The following LAMA4 variants were observed in gnomAD, a reference collection of about 807,000 sequenced individuals.
The protein encoded by LAMA4 is laminin subunit alpha 4.
In LAMA4, 127 loss-of-function variants were observed where a neutral mutation model predicts 207.1. That is an observed-to-expected ratio of 0.61 (90% CI 0.53 to 0.71). LAMA4 has a LOEUF of 0.71. Among genes scored for constraint, LAMA4 ranks in the 30% least tolerant of loss-of-function variants. The pLI is 0.00. For synonymous variants in LAMA4, 761 were observed against 816.0 expected (o/e 0.93, Z 1.15); for missense variants, 2,093 against 2,246.5 (o/e 0.93, Z 1.38).
At chr6:112,186,382 A>G (rs1317649023) in intron 8 of LAMA4, among the ~76,000 whole-genome samples, 1 of 152,224 alleles carries the variant, frequency 6.6e-6, no homozygotes, top group Admixed American at 6.5e-5. Flanking sequence ...TAAATTGACT[A>G]ACAAAGCAAA....
intron 38 of LAMA4, among the ~76,000 whole-genome samples, chr6:112,110,697 T>G (rs587666151): frequency 9.3e-4 from 142 of 152,272 alleles, no homozygotes; most frequent in African/African-American, 3.3e-3. Flanking sequence ...TTATAAGAGG[T>G]AGAAACATCT....
At chr6:112,193,166 T>C (rs1222199313) in intron 5 of LAMA4, among the ~76,000 whole-genome samples, 1 of 152,132 alleles carries the variant, frequency 6.6e-6, no homozygotes, top group Non-Finnish European at 1.5e-5. Context: ...GTAGAGAAGT[T>C]AGTTCTGTTG....
At chr6:112,163,741 C>A (rs183168010) in intron 13 of LAMA4, among the ~76,000 whole-genome samples, 24 of 152,220 alleles carry the variant, frequency 1.6e-4, no homozygotes, top group African/African-American at 5.8e-4. Context: ...AGAGGGGATG[C>A]AAGCTTTATA....
chr6:112,155,752 G>A (rs782412343), intron 14 of LAMA4, 46 bp from the exon 15 acceptor site: 1 of 1,597,670 alleles, frequency 6.3e-7, no homozygotes, highest in South Asian at 1.1e-5. Context: ...ACCTTCTTGG[G>A]GAATGGGGCC....
intron 3 of LAMA4, among the ~76,000 whole-genome samples, chr6:112,208,725 T>C (rs782367076): frequency 1.3e-5 from 2 of 152,176 alleles, no homozygotes; most frequent in African/African-American, 2.4e-5. Context: ...AATACATTAG[T>C]CAAAGGGGAA....
intron 36 of LAMA4, 139 bp from the exon 37 acceptor site, chr6:112,114,895 G>T: frequency 1.4e-6 from 1 of 703,380 alleles, no homozygotes. Context: ...GAACACAAGG[G>T]TCTTTGGCAG....
chr6:112,134,576 T>G lies in LAMA4; in HGVS notation c.3448A>C (p.Ile1150Leu). The G allele has an allele frequency of 6.2e-7, 1 of 1,610,880 alleles. No homozygotes were observed. The highest frequency in any genetic ancestry group is 8.5e-7 in the Non-Finnish European group (1 of 1,177,626). Reference sequence around the variant, plus strand: ...ACATGCCTTCTGTCAACTACCAAGATCATTTTCTTATCATTGTGGTAAATG... The same window carrying G: ...ACATGCCTTCTGTCAACTACCAAGAGCATTTTCTTATCATTGTGGTAAATG... ...SIIYHNDKKM[I>L]LVVDRRHVKS... Residue 1150 changes from isoleucine (I) to leucine (L), a missense_variant, in exon 26 of 39, where the codon ATC (isoleucine) becomes CTC (leucine). Ile to Leu is a conservative substitution (Grantham distance 5). Around this residue, in one of 3 missense-constraint regions of LAMA4, gnomAD observed 1,704 missense variants for 1,788.4 expected, o/e 0.95. Coordinates refer to ENST00000230538, the MANE Select transcript of LAMA4 (RefSeq NM_001105206.3).
intron 32 of LAMA4, among the ~76,000 whole-genome samples, chr6:112,121,137 G>T (rs1554326058): frequency 6.6e-6 from 1 of 151,870 alleles, no homozygotes; most frequent in Admixed American, 6.6e-5. Context: ...TATCCATGTG[G>T]ACAAAATACT....
Position 112,209,481 on chromosome 6 carries a change from C to T in LAMA4, c.298-2336G>A, listed in dbSNP as rs191357333. Among the ~76,000 whole-genome samples, 11 of 152,292 alleles carry T rather than the reference C, an allele frequency of 7.2e-5. No homozygotes were observed. In the East Asian group the frequency reaches 2.1e-3, roughly 29 times the overall value. On this transcript the variant is annotated intron_variant, in intron 3 of 38. Coordinates refer to ENST00000230538, the MANE Select transcript of LAMA4 (RefSeq NM_001105206.3). Reference sequence around the variant, plus strand: ...TGCAAGTATGAACTTTCCTCATCTGCCTTCTTTCAAAAGGTTTATTATGAA... The same window carrying T: ...TGCAAGTATGAACTTTCCTCATCTGTCTTCTTTCAAAAGGTTTATTATGAA...
In LAMA4 at chr6:112,220,276, C is replaced by T. The variant is rs1381686175; in HGVS notation, c.196-3807G>A. On this transcript the variant is annotated intron_variant, in intron 2 of 38. Coordinates refer to ENST00000230538, the MANE Select transcript of LAMA4 (RefSeq NM_001105206.3). ...AGACTCCTATTATCACAGCTTGCCT[C>T]CTGCTCTACCATTAAGACTGAATTA... is the stretch of plus-strand genomic sequence containing the variant. Among the ~76,000 whole-genome samples, 5 of 152,168 alleles carry T rather than the reference C, an allele frequency of 3.3e-5. No homozygotes were observed. In the East Asian group the frequency reaches 9.6e-4, roughly 29 times the overall value.
At chr6:112,221,176 A>G (rs1167960104) in intron 2 of LAMA4, among the ~76,000 whole-genome samples, 6 of 152,148 alleles carry the variant, frequency 3.9e-5, no homozygotes, top group South Asian at 2.1e-4. Flanking sequence ...CTGAGTCCCA[A>G]AGAGGATCAG....
chr6:112,238,482 G>T (rs1163311615), intron 2 of LAMA4, among the ~76,000 whole-genome samples: 5 of 152,162 alleles, frequency 3.3e-5, no homozygotes, highest in African/African-American at 4.8e-5. Context: ...GGCCGAGACG[G>T]TTGGATCACT....
At chr6:112,129,183 T>C in intron 30 of LAMA4, 108 bp from the exon 31 acceptor site, 2 of 523,834 alleles carry the variant, frequency 3.8e-6, no homozygotes, top group East Asian at 5.5e-5. Context: ...TGTGTGTGTG[T>C]GTGCATGTGT....
chr6:112,138,420 C>G (rs1779482263), intron 24 of LAMA4, among the ~76,000 whole-genome samples: 1 of 152,110 alleles, frequency 6.6e-6, no homozygotes, highest in Admixed American at 6.6e-5. Flanking sequence ...ACTTTTGAAT[C>G]ACTGTGTCAC....
chr6:112,142,545 C>T (rs1363898562), intron 19 of LAMA4, among the ~76,000 whole-genome samples: 4 of 152,074 alleles, frequency 2.6e-5, no homozygotes, highest in East Asian at 1.9e-4. Context: ...ATATGAATTC[C>T]ACCATGAACA....
Position 112,207,074 on chromosome 6 carries a change from C to A in LAMA4, c.369G>T (p.Arg123Ser), listed in dbSNP as rs782817268. The change falls in exon 4 of 39, where the codon AGG becomes AGT. Residue 123 changes from arginine (R) to serine (S), a missense_variant. Arg to Ser is a moderately radical substitution (Grantham distance 110). Around this residue, in one of 3 missense-constraint regions of LAMA4, gnomAD observed 1,704 missense variants for 1,788.4 expected, o/e 0.95. Transcript: ENST00000230538. ...ACGGCTGGCAGAATTGGGGTGCTCCCCTGATGGAATCTCCGATATAACCAT... is the reference window on the plus strand; with the variant it reads ...ACGGCTGGCAGAATTGGGGTGCTCCACTGATGGAATCTCCGATATAACCAT... ...CLDGYIGDSI[R>S]GAPQFCQPCP... is the part of the protein sequence containing the mutation. 5.0e-6 allele frequency: 8 copies of A among 1,613,976 alleles called. No individual in the cohort carries two copies. In the South Asian group the frequency reaches 7.7e-5, roughly 16 times the overall value.
intron 30 of LAMA4, 119 bp from the exon 31 acceptor site, chr6:112,129,194 G>A: frequency 1.2e-6 from 1 of 811,196 alleles, no homozygotes; most frequent in South Asian, 1.6e-5. Flanking sequence ...GTGCATGTGT[G>A]TGTGTGTGTA....
chr6:112,173,985 T>C (rs9487836), intron 11 of LAMA4, among the ~76,000 whole-genome samples: 4,047 of 152,320 alleles, frequency 0.027, 171 homozygotes, highest in African/African-American at 0.092. Context: ...ACTAACAAGA[T>C]CTAAAGGTGG....
chr6:112,153,145 T>C (rs1172956577), intron 16 of LAMA4, among the ~76,000 whole-genome samples: 1 of 152,104 alleles, frequency 6.6e-6, no homozygotes, highest in Admixed American at 6.5e-5. Context: ...TTATATTGAC[T>C]ATCAACTATT....
Sources: allele counts gnomAD v4.1 joint callset (sites outside exome capture counted in the v4.1 genomes callset), GRCh38; gene constraint gnomAD v4.1.1; regional missense constraint gnomAD v4.1.1; transcripts MANE v1.5; gene names NCBI Gene and HGNC (gene_info 2026-07-23, HGNC 2026-07-21).